PRDM6: variants seen among roughly 807,000 people sequenced by gnomAD.
PRDM6 encodes putative histone-lysine N-methyltransferase PRDM6.
Under a neutral mutation model 60.8 loss-of-function variants are expected in PRDM6, and 25 were observed. The observed-to-expected ratio is 0.41, with a 90% CI of 0.30 to 0.57. The LOEUF is 0.57. PRDM6 is among the 20% of genes least tolerant of loss of function. PRDM6 has a pLI of 0.27. For missense variants in PRDM6, 839 were observed against 821.3 expected, an observed-to-expected ratio of 1.02 and a Z score of -0.26; for synonymous variants, 407 against 357.4, an observed-to-expected ratio of 1.14 and a Z score of -1.57.
chr5:123,154,359 A>G (rs754702334), intron 3 of PRDM6, among the ~76,000 whole-genome samples: 2 of 152,204 alleles, frequency 1.3e-5, no homozygotes, highest in Non-Finnish European at 2.9e-5. Context: ...CACTCTGCTC[A>G]AGCTAAATTG....
intron 2 of PRDM6, among the ~76,000 whole-genome samples, chr5:123,091,789 A>T (rs988876450): frequency 6.6e-6 from 1 of 152,248 alleles, no homozygotes; most frequent in Non-Finnish European, 1.5e-5. Flanking sequence ...CTGTATGAGT[A>T]AAGTTAATTT....
In PRDM6 at chr5:123,193,267, A is replaced by G. The variant is rs574603168; in HGVS notation, c.*6066A>G. On this transcript the variant is annotated 3_prime_UTR_variant, in exon 8 of 8. Coordinates refer to ENST00000407847, the MANE Select transcript of PRDM6 (RefSeq NM_001136239.4). ...CTCCCACTTTGGTACATCACTCCCA[A>G]CTGAAAACAGTCTAGATATAAACTT... 4.6e-5 allele frequency: 7 copies of G among 152,284 alleles called. No homozygotes were observed. The highest frequency in any genetic ancestry group is 1.2e-4 in the African/African-American group (5 of 41,562). 9.4% of individuals were successfully genotyped at this position (152,284 alleles called of 1,614,324 possible). A position where few individuals can be genotyped will look rare whatever the true frequency, so the allele number is the denominator to read the frequency against.
chr5:123,181,564 A>G (rs772166708), intron 7 of PRDM6, among the ~76,000 whole-genome samples: 1 of 152,150 alleles, frequency 6.6e-6, no homozygotes, highest in Admixed American at 6.5e-5. Context: ...ACCCTCTTAC[A>G]GCTCTCTTCA....
chr5:123,118,946 G>C (rs1217832442), intron 3 of PRDM6, among the ~76,000 whole-genome samples: 1 of 152,192 alleles, frequency 6.6e-6, no homozygotes, highest in Non-Finnish European at 1.5e-5. Flanking sequence ...AGATTTGGGA[G>C]CTAAGTATCT....
At chr5:123,168,284 A>G (rs982126629) in intron 5 of PRDM6, among the ~76,000 whole-genome samples, 1 of 152,072 alleles carries the variant, frequency 6.6e-6, no homozygotes, top group East Asian at 1.9e-4. Flanking sequence ...TATATATAAC[A>G]TGTATATTTA....
intron 3 of PRDM6, among the ~76,000 whole-genome samples, chr5:123,116,260 C>G (rs1055537987): frequency 6.6e-6 from 1 of 152,170 alleles, no homozygotes; most frequent in Admixed American, 6.5e-5. Flanking sequence ...GTGATGAAAT[C>G]CCTAACAAAT....
chr5:123,185,472 C>T (rs1766265464), intron 7 of PRDM6, among the ~76,000 whole-genome samples: 1 of 152,170 alleles, frequency 6.6e-6, no homozygotes, highest in Non-Finnish European at 1.5e-5. Flanking sequence ...GGATGAGCTG[C>T]CCACGGACGT....
Position 123,089,985 on chromosome 5 carries a change from G to A in PRDM6, c.-15-15G>A. On this transcript the variant is annotated splice_polypyrimidine_tract_variant and intron_variant, in intron 1 of 7. Coordinates refer to ENST00000407847, the MANE Select transcript of PRDM6 (RefSeq NM_001136239.4). ...CCAGCTCACGCGCCCCCTCTTCCCT[G>A]CCCTCTGCCCCCAGTTCGAGGCGCC... The A allele has an allele frequency of 1.3e-6, 2 of 1,527,160 alleles. No homozygotes were observed. The highest frequency in any genetic ancestry group is 1.8e-6 in the Non-Finnish European group (2 of 1,130,384). The allele number at this position is 1,527,160 out of a possible 1,614,324, so 94.6% of individuals were successfully genotyped here.
At chr5:123,116,639 A>G (rs1041263617) in intron 3 of PRDM6, among the ~76,000 whole-genome samples, 1 of 152,204 alleles carries the variant, frequency 6.6e-6, no homozygotes, top group Non-Finnish European at 1.5e-5. Flanking sequence ...GTGAAAAAAA[A>G]AATTATTTTT....
intron 3 of PRDM6, among the ~76,000 whole-genome samples, chr5:123,118,409 G>A (rs1764505914): frequency 6.6e-6 from 1 of 152,224 alleles, no homozygotes. Flanking sequence ...GGTTTGAGAT[G>A]CAAATAGGAA....
intron 3 of PRDM6, among the ~76,000 whole-genome samples, chr5:123,132,665 G>A (rs975699656): frequency 1.3e-5 from 2 of 152,128 alleles, no homozygotes; most frequent in African/African-American, 4.8e-5. Context: ...TAATTTCCAA[G>A]TATGATTTCT....
chr5:123,105,466 T>C (rs1764181997), intron 3 of PRDM6, among the ~76,000 whole-genome samples: 1 of 152,214 alleles, frequency 6.6e-6, no homozygotes, highest in Non-Finnish European at 1.5e-5. Flanking sequence ...AGAATATCTA[T>C]TGTGTTACCC....
intron 3 of PRDM6, among the ~76,000 whole-genome samples, chr5:123,106,035 A>G (rs73796829): frequency 0.039 from 5,886 of 152,114 alleles, 364 homozygotes; most frequent in African/African-American, 0.13. Flanking sequence ...GCCTGTTCGT[A>G]CTCTTCTTGG....
chr5:123,111,052 GTAATAA>G (rs996030597), intron 3 of PRDM6, among the ~76,000 whole-genome samples: 9 of 152,080 alleles, frequency 5.9e-5, no homozygotes, highest in African/African-American at 2.2e-4. Flanking sequence ...CAAATTAACA[GTAATAA>G]TAATAATATA....
chr5:123,124,496 C>G (rs777123081), intron 3 of PRDM6, among the ~76,000 whole-genome samples: 3 of 152,200 alleles, frequency 2.0e-5, no homozygotes, highest in Non-Finnish European at 2.9e-5. Flanking sequence ...TTACCCAAAT[C>G]TGTTATTTCA....
At chr5:123,150,450 A>C (rs1342626428) in intron 3 of PRDM6, among the ~76,000 whole-genome samples, 2 of 152,168 alleles carry the variant, frequency 1.3e-5, no homozygotes, top group African/African-American at 4.8e-5. Flanking sequence ...CAATAAAAGA[A>C]ATCTGGTTAC....
intron 6 of PRDM6, among the ~76,000 whole-genome samples, chr5:123,171,424 C>T (rs1410767726): frequency 6.6e-6 from 1 of 152,186 alleles, no homozygotes; most frequent in Non-Finnish European, 1.5e-5. Context: ...TTAGAATCTT[C>T]TCTGTCTTCC....
chr5:123,095,456 G>A (rs1294011519), intron 2 of PRDM6, among the ~76,000 whole-genome samples: 1 of 152,238 alleles, frequency 6.6e-6, no homozygotes, highest in Non-Finnish European at 1.5e-5. Flanking sequence ...TTCGGGCCCG[G>A]ATGCTCTGCC....
chr5:123,187,302 T>C lies in PRDM6; in HGVS notation c.*101T>C, dbSNP rs1413725060. The C allele has an allele frequency of 2.3e-6, 2 of 864,228 alleles. No individual in the cohort carries two copies. Among genetic ancestry groups the C allele is most frequent in the Non-Finnish European group, 3.7e-6 (2 of 540,584 alleles). The allele number at this position is 864,228 out of a possible 1,614,324, so 53.5% of individuals were successfully genotyped here. ...TTTCCTCTGAGCAACTTTCAATCAG[T>C]CCCAGAAAACCAAAAGCAGTAATAA... On this transcript the variant is annotated 3_prime_UTR_variant, in exon 8 of 8. Transcript: ENST00000407847.
Sources: allele counts gnomAD v4.1 joint callset (sites outside exome capture counted in the v4.1 genomes callset), GRCh38; gene constraint gnomAD v4.1.1; transcripts MANE v1.5; gene names NCBI Gene and HGNC (gene_info 2026-07-23, HGNC 2026-07-21).